Variants in FARS2 observed in about 807,000 individuals in gnomAD.
FARS2 encodes the protein phenylalanyl-tRNA synthetase 2, mitochondrial.
A neutral mutation model predicts 46.4 loss-of-function variants in FARS2; 40 were observed. The observed-to-expected ratio is 0.86, with a 90% CI of 0.67 to 1.12. The LOEUF (loss-of-function observed/expected upper bound fraction) is 1.12. FARS2 is among the 50% of genes most tolerant of loss of function. FARS2 has a pLI of 0.00. For missense variants in FARS2, 513 were observed against 567.9 expected (o/e 0.90, Z 0.98); for synonymous variants, 234 against 214.9 (o/e 1.09, Z -0.78).
chr6:5,431,064 T>C lies in FARS2; in HGVS notation c.796T>C (p.Cys266Arg). 6.2e-7 allele frequency: 1 copy of C among 1,613,940 alleles called. No individual in the cohort carries two copies. The highest frequency in any genetic ancestry group is 8.5e-7 in the Non-Finnish European group (1 of 1,179,838). The change falls in exon 4 of 7, where the codon TGC becomes CGC. Residue 266 changes from cysteine to arginine, a missense_variant. By Grantham distance (180) the Cys-to-Arg change is radical (BLOSUM62 -3). Transcript: ENST00000274680. Reference protein sequence around the residue: ...GDELEIRWVDCYFPFTHPSFE... With the variant: ...GDELEIRWVDRYFPFTHPSFE... ...AGAGCTGGAGATAAGATGGGTAGAC[T>C]GCTACTTCCCTTTTACACATCCTTC... is the stretch of plus-strand genomic sequence containing the variant.
At chr6:5,719,109 G>A (rs972745442) in intron 6 of FARS2, among the ~76,000 whole-genome samples, 4 of 152,120 alleles carry the variant, frequency 2.6e-5, no homozygotes, top group Admixed American at 2.6e-4. Context: ...CTGACTGGGT[G>A]CAGTAGCTCA....
chr6:5,334,766 T>C (rs1345211869), intron 1 of FARS2, among the ~76,000 whole-genome samples: 1 of 152,224 alleles, frequency 6.6e-6, no homozygotes, highest in Non-Finnish European at 1.5e-5. Flanking sequence ...TCCTCTGTAA[T>C]ATTTCCCCAT....
chr6:5,641,036 A>G (rs1362687297), intron 6 of FARS2, among the ~76,000 whole-genome samples: 3 of 152,170 alleles, frequency 2.0e-5, no homozygotes, highest in Non-Finnish European at 4.4e-5. Context: ...CTCCCAGTGC[A>G]GGCTGGAGAG....
At chr6:5,734,683 G>T (rs1760842810) in intron 6 of FARS2, among the ~76,000 whole-genome samples, 1 of 152,204 alleles carries the variant, frequency 6.6e-6, no homozygotes, top group African/African-American at 2.4e-5. Context: ...TTTGATATAG[G>T]CATTATATTA....
chr6:5,516,999 G>A (rs1351696808), intron 4 of FARS2, among the ~76,000 whole-genome samples: 1 of 152,162 alleles, frequency 6.6e-6, no homozygotes, highest in Non-Finnish European at 1.5e-5. Context: ...TCTAGCCTGA[G>A]AGACAAAAGT....
At chr6:5,259,082 C>T (rs1764814957), upstream of FARS2, among the ~76,000 whole-genome samples, 1 of 136,534 alleles carries the variant, frequency 7.3e-6, no homozygotes, top group African/African-American at 3.2e-5. Context: ...AGAGACTTGT[C>T]CAAGTTAGTC....
intron 2 of FARS2, among the ~76,000 whole-genome samples, chr6:5,379,208 C>G (rs1478594984): frequency 6.6e-6 from 1 of 152,180 alleles, no homozygotes; most frequent in Non-Finnish European, 1.5e-5. Context: ...CTGCACAGAA[C>G]AGCAATGTCT....
chr6:5,649,729 G>T (rs1194186345), intron 6 of FARS2, among the ~76,000 whole-genome samples: 1 of 152,188 alleles, frequency 6.6e-6, no homozygotes, highest in Non-Finnish European at 1.5e-5. Flanking sequence ...TAGGTAAGTG[G>T]CAAAGCTGGG....
chr6:5,381,405 ATACACACACACACACAG>A, intron 2 of FARS2, among the ~76,000 whole-genome samples: 1 of 67,256 alleles, frequency 1.5e-5, no homozygotes, highest in Non-Finnish European at 3.1e-5. Context: ...ACACACACAC[ATACACACACACACACAG>A]ATGCAGAATT....
At chr6:5,473,549 A>AAAC (rs1561645424) in intron 4 of FARS2, among the ~76,000 whole-genome samples, 3 of 149,988 alleles carry the variant, frequency 2.0e-5, no homozygotes, top group African/African-American at 4.9e-5. Context: ...AAAAAACAAA[A>AAAC]AAAAAAAACA....
chr6:5,477,441 T>G (rs531408472), intron 4 of FARS2, among the ~76,000 whole-genome samples: 3 of 152,194 alleles, frequency 2.0e-5, no homozygotes. Context: ...TTAATGCCAA[T>G]TGTGACTATT....
chr6:5,294,131 G>A (rs1767690504), intron 1 of FARS2, among the ~76,000 whole-genome samples: 1 of 152,120 alleles, frequency 6.6e-6, no homozygotes, highest in African/African-American at 2.4e-5. Context: ...TCAGGAACAG[G>A]TGCCCTATTT....
chr6:5,516,634 A>C (rs187189000), intron 4 of FARS2, among the ~76,000 whole-genome samples: 118 of 152,310 alleles, frequency 7.7e-4, no homozygotes, highest in African/African-American at 2.7e-3. Flanking sequence ...TAACTAGATC[A>C]TGCCTAAGAT....
chr6:5,404,600 C>G lies in FARS2; in HGVS notation c.671C>G (p.Ser224Cys). 1 of 1,611,610 alleles carries G rather than the reference C, an allele frequency of 6.2e-7. No homozygotes were observed. Among genetic ancestry groups the G allele is most frequent in the Non-Finnish European group, 8.5e-7 (1 of 1,178,524 alleles). The change falls in exon 3 of 7, where the codon TCT becomes TGT. Residue 224 changes from serine to cysteine, a missense_variant. Transcript: ENST00000274680. ...CAGCTCTTTGAACAAAGTTCTCGCT[C>G]TGCGCATAAACAAGAGACACACACC... is the stretch of plus-strand genomic sequence containing the variant. ...SLQLFEQSSR[S>C]AHKQETHTME...
chr6:5,475,612 C>T (rs1002295221), intron 4 of FARS2, among the ~76,000 whole-genome samples: 1 of 152,176 alleles, frequency 6.6e-6, no homozygotes, highest in Non-Finnish European at 1.5e-5. Flanking sequence ...ATCATGGGCA[C>T]CTGCCTCCTA....
chr6:5,521,919 G>A (rs1769164751), intron 4 of FARS2, among the ~76,000 whole-genome samples: 1 of 152,152 alleles, frequency 6.6e-6, no homozygotes, highest in African/African-American at 2.4e-5. Flanking sequence ...TATATAATTA[G>A]TGAGCAAAAT....
At chr6:5,530,417 G>A (rs116139369) in intron 4 of FARS2, among the ~76,000 whole-genome samples, 2,429 of 152,184 alleles carry the variant, frequency 0.016, 25 homozygotes, top group Non-Finnish European at 0.024. Context: ...TCCTTAATGG[G>A]AGGGAAAAAA....
At chr6:5,527,347 A>G (rs997712908) in intron 4 of FARS2, among the ~76,000 whole-genome samples, 1 of 152,238 alleles carries the variant, frequency 6.6e-6, no homozygotes, top group Non-Finnish European at 1.5e-5. Context: ...GATTTATTCA[A>G]TTTCCTTTCC....
chr6:5,340,256 C>A (rs1771463471), intron 1 of FARS2, among the ~76,000 whole-genome samples: 1 of 152,186 alleles, frequency 6.6e-6, no homozygotes, highest in Admixed American at 6.5e-5. Context: ...TTGCCTCTGT[C>A]CAATACCCCA....
Sources: gnomAD v4.1 joint callset for allele counts (sites outside exome capture counted in the v4.1 genomes callset) on GRCh38, gnomAD v4.1.1 for gene constraint, MANE v1.5 for transcripts, NCBI Gene and HGNC (gene_info 2026-07-23, HGNC 2026-07-21) for gene names.